Variants in PHACTR2 observed in about 807,000 individuals in gnomAD.
PHACTR2 encodes chromosome 6 open reading frame 56.
Under a neutral mutation model 76.0 loss-of-function variants are expected in PHACTR2, and 30 were observed. The observed-to-expected ratio is 0.39, with a 90% CI of 0.30 to 0.54. The LOEUF is 0.54. Among genes scored for constraint, PHACTR2 ranks in the 20% least tolerant of loss-of-function variants. The pLI, the probability that PHACTR2 is intolerant of heterozygous loss-of-function variation, is 0.61. For missense variants in PHACTR2, 696 were observed against 781.1 expected (o/e 0.89, Z 1.30); for synonymous variants, 292 against 292.5 (o/e 1.00, Z 0.02).
rs1776185259 is a variant in PHACTR2 at position 143,623,048 on chromosome 6, C to G, written c.13+14726C>G. 6.6e-6 allele frequency among the ~76,000 whole-genome samples: 1 copy of G among 152,110 alleles called. No homozygotes were observed. The highest frequency in any genetic ancestry group is 6.5e-5 in the Admixed American group (1 of 15,272). On this transcript the variant is annotated intron_variant, in intron 1 of 11. Transcript: ENST00000305766. This position sits in a 1 kb window ranked among gnomAD's most constrained non-coding sequence, Gnocchi z 5.9. Reference sequence around the variant, plus strand: ...CTTTGAACTTTTCAGATTACCTTCCCTAACACTGATGTCAAATATGCCGGT... The same window carrying G: ...CTTTGAACTTTTCAGATTACCTTCCGTAACACTGATGTCAAATATGCCGGT...
rs1425260810 is a variant in PHACTR2 at position 143,589,330 on chromosome 6, T to C, written c.217+52123T>C. Among the ~76,000 whole-genome samples, 1 of 152,176 alleles carries C rather than the reference T, an allele frequency of 6.6e-6. No homozygotes were observed. The highest frequency in any genetic ancestry group is 2.4e-5 in the African/African-American group (1 of 41,448). On this transcript the variant is annotated intron_variant, in intron 1 of 11. Transcript: ENST00000367584. The surrounding 1 kb of genome is among the most constrained non-coding windows in gnomAD (Gnocchi z 4.4). ...ATAGTGAATGACTTCTCACGATATC[T>C]GGTTGTTTAAAAGTGTGGGGCACCT...
intron 12 of PHACTR2, chr6:143,810,619 C>T (rs1346545763): frequency 2.3e-6 from 1 of 442,758 alleles, no homozygotes; most frequent in Non-Finnish European, 4.5e-6. Flanking sequence ...TTGCTTAGCC[C>T]AGGAGTTCTC....
rs1315745956 is a variant in PHACTR2 at position 143,688,869 on chromosome 6, A to G, written c.46+10660A>G. ...AATTTCTTAAAGCATAAATCATGTCACTCACTCACTCAAAACCTTCCTGTC... is the reference window on the plus strand; with the variant it reads ...AATTTCTTAAAGCATAAATCATGTCGCTCACTCACTCAAAACCTTCCTGTC... On this transcript the variant is annotated intron_variant, in intron 1 of 12. Transcript: ENST00000440869. The surrounding 1 kb of genome is among the most constrained non-coding windows in gnomAD (Gnocchi z 5.2). Among the ~76,000 whole-genome samples, 2 of 152,140 alleles carry G rather than the reference A, an allele frequency of 1.3e-5. No homozygotes were observed. Among genetic ancestry groups the G allele is most frequent in the African/African-American group, 4.8e-5 (2 of 41,430 alleles).
At position 143,651,370 on chromosome 6, in the gene PHACTR2, G is replaced by A. The variant is rs570370627; in HGVS notation, c.13+43048G>A. ...TACCCAAAGAAATGTAAACCATTCTGTTATAAAGATACATGCATGTGTATG... is the reference window on the plus strand; with the variant it reads ...TACCCAAAGAAATGTAAACCATTCTATTATAAAGATACATGCATGTGTATG... On this transcript the variant is annotated intron_variant, in intron 1 of 11. Transcript: ENST00000305766. Among the ~76,000 whole-genome samples, 5 of 152,080 alleles carry A rather than the reference G, an allele frequency of 3.3e-5. No homozygotes were observed. The South Asian group carries it at 1.0e-3, about 32-fold the overall frequency.
At chr6:143,759,605 A>G (rs1181958180) in intron 4 of PHACTR2, among the ~76,000 whole-genome samples, 1 of 149,496 alleles carries the variant, frequency 6.7e-6, no homozygotes, top group Non-Finnish European at 1.5e-5. Flanking sequence ...CTCTAGCCTG[A>G]GTGAGAGAGC....
chr6:143,684,940 T>C lies in PHACTR2; in HGVS notation c.46+6731T>C, dbSNP rs1452390850. 6.6e-6 allele frequency among the ~76,000 whole-genome samples: 1 copy of C among 152,220 alleles called. No homozygotes were observed. The highest frequency in any genetic ancestry group is 2.4e-5 in the African/African-American group (1 of 41,458). ...AGTGATGTAGGACATTTATATTTCT[T>C]TTTCTTTGAATTGCCTATTTATAGA... is the stretch of plus-strand genomic sequence containing the variant. On this transcript the variant is annotated intron_variant, in intron 1 of 12. Coordinates refer to ENST00000440869, the MANE Select transcript of PHACTR2 (RefSeq NM_001100164.2). This position sits in a 1 kb window ranked among gnomAD's most constrained non-coding sequence, Gnocchi z 4.3.
rs1776280867 is a variant in PHACTR2 at position 143,627,526 on chromosome 6, C to A, written c.13+19204C>A. ...AATTTTTGTATTAAGGTGAGATTCG[C>A]ATGACATAAAATTAACTATTTTGAA... On this transcript the variant is annotated intron_variant, in intron 1 of 11. Transcript: ENST00000305766. The surrounding 1 kb of genome is among the most constrained non-coding windows in gnomAD (Gnocchi z 4.3). Among the ~76,000 whole-genome samples, 1 of 151,894 alleles carries A rather than the reference C, an allele frequency of 6.6e-6. No individual in the cohort carries two copies. Among genetic ancestry groups the A allele is most frequent in the South Asian group, 2.1e-4 (1 of 4,824 alleles).
At chr6:143,720,922 A>G (rs6915880) in intron 2 of PHACTR2, among the ~76,000 whole-genome samples, 54,914 of 152,130 alleles carry the variant, frequency 0.36, 10,238 homozygotes, top group Middle Eastern at 0.43. Flanking sequence ...TTGGTTGTCA[A>G]TCTTGATATC....
Position 143,581,007 on chromosome 6 carries a change from C to T in PHACTR2, c.217+43800C>T, listed in dbSNP as rs1775566222. Among the ~76,000 whole-genome samples, 1 of 152,172 alleles carries T rather than the reference C, an allele frequency of 6.6e-6. No homozygotes were observed. Among genetic ancestry groups the T allele is most frequent in the South Asian group, 2.1e-4 (1 of 4,826 alleles). The stretch of plus-strand genomic sequence containing the variant: ...ATAAAAGTCTTCCATTACAGAACAC[C>T]TACACATCAGGAGCTCAAAAACAGA... On this transcript the variant is annotated intron_variant, in intron 1 of 11. Coordinates refer to the PHACTR2 transcript ENST00000367584. The surrounding 1 kb of genome is among the most constrained non-coding windows in gnomAD (Gnocchi z 4.5).
intron 12 of PHACTR2, among the ~76,000 whole-genome samples, chr6:143,808,076 T>C (rs1305294559): frequency 1.3e-5 from 2 of 152,158 alleles, no homozygotes; most frequent in African/African-American, 4.8e-5. Context: ...ACAGTTGGCC[T>C]TCCATATCTA....
intron 1 of PHACTR2, among the ~76,000 whole-genome samples, chr6:143,668,471 C>T (rs569306515): frequency 6.6e-6 from 1 of 152,136 alleles, no homozygotes; most frequent in African/African-American, 2.4e-5. Context: ...CTCTGTACCT[C>T]TGGTAGAATT....
chr6:143,668,121 T>C (rs1777076613), intron 1 of PHACTR2, among the ~76,000 whole-genome samples: 1 of 152,246 alleles, frequency 6.6e-6, no homozygotes. Flanking sequence ...CTTCTGCATC[T>C]ATTGAGATAA....
In PHACTR2 at chr6:143,801,776, G is replaced by A. The variant is rs1380809729; in HGVS notation, c.1846-5281G>A. On this transcript the variant is annotated intron_variant, in intron 11 of 12. Coordinates refer to ENST00000440869, the MANE Select transcript of PHACTR2 (RefSeq NM_001100164.2). This position sits in a 1 kb window ranked among gnomAD's most constrained non-coding sequence, Gnocchi z 4.6. ...GTTGTGATCCTTTGGAGGAGAAGAG[G>A]CATTCTGGTTTTTGGAATTTTCAGC... Among the ~76,000 whole-genome samples the A allele has an allele frequency of 1.3e-5, 2 of 152,134 alleles. No individual in the cohort carries two copies. Among genetic ancestry groups the A allele is most frequent in the South Asian group, 2.1e-4 (1 of 4,826 alleles).
rs974823453 is a variant in PHACTR2, at chr6:143,625,311, A to G, written c.13+16989A>G. Reference sequence around the variant, plus strand: ...TCTTATTTATTGTGAGATATATCAAATTTTTACTTGGTGATTCAGAATTTA... The same window carrying G: ...TCTTATTTATTGTGAGATATATCAAGTTTTTACTTGGTGATTCAGAATTTA... On this transcript the variant is annotated intron_variant, in intron 1 of 11. Coordinates refer to the PHACTR2 transcript ENST00000305766. This position sits in a 1 kb window ranked among gnomAD's most constrained non-coding sequence, Gnocchi z 4.3. 5.3e-5 allele frequency among the ~76,000 whole-genome samples: 8 copies of G among 152,176 alleles called. No individual in the cohort carries two copies. The highest frequency in any genetic ancestry group is 1.0e-4 in the Non-Finnish European group (7 of 68,034).
rs1444279284 is a variant in PHACTR2, at chr6:143,589,829, A to AT, written c.217+52624dup. Among the ~76,000 whole-genome samples the AT allele has an allele frequency of 2.6e-5, 4 of 152,242 alleles. No homozygotes were observed. Among genetic ancestry groups the AT allele is most frequent in the Admixed American group, 6.5e-5 (1 of 15,284 alleles). On this transcript the variant is annotated intron_variant, in intron 1 of 11. Transcript: ENST00000367584. This position sits in a 1 kb window ranked among gnomAD's most constrained non-coding sequence, Gnocchi z 4.4. ...ACTAATCTTATGCAAACTATTTCATATTATAGAAGATGACGATACACATCC... is the reference window on the plus strand; with the variant it reads ...ACTAATCTTATGCAAACTATTTCATATTTATAGAAGATGACGATACACATCC...
At chr6:143,637,008 C>T (rs770563127) in intron 1 of PHACTR2, among the ~76,000 whole-genome samples, 2 of 152,232 alleles carry the variant, frequency 1.3e-5, no homozygotes, top group African/African-American at 2.4e-5. Context: ...CCATTAGATG[C>T]TCTCAATCCA....
intron 1 of PHACTR2, among the ~76,000 whole-genome samples, chr6:143,594,048 G>C (rs934155348): frequency 2.0e-5 from 3 of 152,178 alleles, no homozygotes; most frequent in Non-Finnish European, 4.4e-5. Context: ...AATGTGAAAT[G>C]CTCCAAAATC....
Position 143,656,891 on chromosome 6 carries a change from G to A in PHACTR2, c.13+48569G>A, listed in dbSNP as rs1312839560. Reference sequence around the variant, plus strand: ...TGAACATAGGCTTGATTGGCCACACGAAAATTTAAATATTATGAATGTTGA... The same window carrying A: ...TGAACATAGGCTTGATTGGCCACACAAAAATTTAAATATTATGAATGTTGA... On this transcript the variant is annotated intron_variant, in intron 1 of 11. Coordinates refer to the PHACTR2 transcript ENST00000305766. The surrounding 1 kb of genome is among the most constrained non-coding windows in gnomAD (Gnocchi z 5.3). Among the ~76,000 whole-genome samples, 4 of 152,116 alleles carry A rather than the reference G, an allele frequency of 2.6e-5. No homozygotes were observed. In the East Asian group the frequency reaches 7.7e-4, roughly 29 times the overall value.
chr6:143,745,232 A>G (rs1159060565), intron 2 of PHACTR2, among the ~76,000 whole-genome samples: 1 of 152,204 alleles, frequency 6.6e-6, no homozygotes, highest in Non-Finnish European at 1.5e-5. Context: ...CAATAACAGC[A>G]GGCTCTCAGT....
Sources: allele counts gnomAD v4.1 joint callset (sites outside exome capture counted in the v4.1 genomes callset), GRCh38; gene constraint gnomAD v4.1.1; non-coding constraint Gnocchi (gnomAD v3.1); transcripts MANE v1.5; gene names NCBI Gene and HGNC (gene_info 2026-07-23, HGNC 2026-07-21).